Variants in CACNA2D3 observed in about 807,000 individuals in gnomAD.
The protein encoded by CACNA2D3 is voltage-dependent calcium channel subunit alpha-2/delta-3.
A neutral mutation model predicts 160.6 loss-of-function variants in CACNA2D3; 60 were observed. The ratio of observed to expected loss-of-function variants is 0.37; its 90% CI spans 0.30 to 0.46. CACNA2D3 has a LOEUF of 0.46. Ranked by LOEUF, CACNA2D3 falls within the 20% of genes least tolerant of loss-of-function variation. CACNA2D3 has a pLI of 1.00. For missense variants in CACNA2D3, 1,205 were observed against 1,365.0 expected, an observed-to-expected ratio of 0.88 and a Z score of 1.85; for synonymous variants, 558 against 492.9, an observed-to-expected ratio of 1.13 and a Z score of -1.75.
intron 5 of CACNA2D3, among the ~76,000 whole-genome samples, chr3:54,522,792 G>A (rs1331061500): frequency 6.6e-6 from 1 of 152,134 alleles, no homozygotes; most frequent in Non-Finnish European, 1.5e-5. Context: ...CCATTCATGA[G>A]GGCAGAGACC....
In CACNA2D3 at chr3:54,133,159, C is replaced by T. The variant is rs41508048; in HGVS notation, c.204+9565C>T. ...ACAACTCAGCTCTACAAGGGGTTTT[C>T]GGCAGTAATAATAATAATGATGCAG... On this transcript the variant is annotated intron_variant, in intron 2 of 37. Transcript: ENST00000474759. Among the ~76,000 whole-genome samples, 1,388 of 152,106 alleles carry T rather than the reference C, an allele frequency of 9.1e-3. 16 individuals are homozygous for T. The highest frequency in any genetic ancestry group is 0.032 in the African/African-American group (1,340 of 41,478).
intron 2 of CACNA2D3, among the ~76,000 whole-genome samples, chr3:54,139,287 G>C (rs1699874895): frequency 6.6e-6 from 1 of 152,240 alleles, no homozygotes; most frequent in Admixed American, 6.5e-5. Context: ...GTCTGCATCA[G>C]GTGTCTCTGT....
chr3:54,388,299 G>C (rs1377778935), intron 4 of CACNA2D3, among the ~76,000 whole-genome samples: 1 of 152,184 alleles, frequency 6.6e-6, no homozygotes, highest in Non-Finnish European at 1.5e-5. Context: ...TGATACCCAA[G>C]TACTCTCTTG....
intron 25 of CACNA2D3, among the ~76,000 whole-genome samples, chr3:54,891,773 A>G (rs908289960): frequency 5.9e-5 from 9 of 152,134 alleles, no homozygotes; most frequent in African/African-American, 1.9e-4. Context: ...GGGAGGAAAC[A>G]CTCATCTCGT....
At chr3:54,932,411 C>T (rs943571930) in intron 27 of CACNA2D3, among the ~76,000 whole-genome samples, 4 of 152,058 alleles carry the variant, frequency 2.6e-5, no homozygotes, top group African/African-American at 7.2e-5. Flanking sequence ...ACTGATAATG[C>T]TGATTACTTG....
chr3:54,335,085 T>C (rs953259106), intron 3 of CACNA2D3, among the ~76,000 whole-genome samples: 1 of 152,244 alleles, frequency 6.6e-6, no homozygotes, highest in Non-Finnish European at 1.5e-5. Flanking sequence ...TAGTTACTAT[T>C]ATTCTTGGTC....
At chr3:54,662,462 G>A (rs141244553) in intron 11 of CACNA2D3, among the ~76,000 whole-genome samples, 1 of 152,308 alleles carries the variant, frequency 6.6e-6, no homozygotes, top group East Asian at 1.9e-4. Context: ...GGCACCAAGT[G>A]CCTGACTTTG....
At chr3:54,894,909 C>A (rs1700154118) in intron 25 of CACNA2D3, among the ~76,000 whole-genome samples, 2 of 151,450 alleles carry the variant, frequency 1.3e-5, no homozygotes, top group South Asian at 2.1e-4. Flanking sequence ...TTCTAGATAG[C>A]ACAGGGGATC....
chr3:54,320,102 G>A (rs1157467663), intron 2 of CACNA2D3, among the ~76,000 whole-genome samples: 6 of 152,230 alleles, frequency 3.9e-5, no homozygotes, highest in Non-Finnish European at 8.8e-5. Context: ...ACCAGGGTAT[G>A]TGATGGCTTT....
Position 55,074,523 on chromosome 3 carries a change from G to T in CACNA2D3, c.*317G>T. 4.1e-6 allele frequency: 1 copy of T among 245,650 alleles called. No homozygotes were observed. Among genetic ancestry groups the T allele is most frequent in the South Asian group, 9.0e-5 (1 of 11,086 alleles). The allele number at this position is 245,650 out of a possible 1,614,324, so 15.2% of individuals were successfully genotyped here. On this transcript the variant is annotated 3_prime_UTR_variant, in exon 38 of 38. Coordinates refer to ENST00000474759, the MANE Select transcript of CACNA2D3 (RefSeq NM_018398.3). ...AACCTATTGAAACCAATTTAAAACT[G>T]TGTACTTTTTAAATAAAGTATATTA...
intron 2 of CACNA2D3, among the ~76,000 whole-genome samples, chr3:54,160,519 AAAAT>A (rs1700326123): frequency 2.0e-5 from 3 of 152,160 alleles, no homozygotes; most frequent in Admixed American, 1.3e-4. Flanking sequence ...AAAATAAAAT[AAAAT>A]AAAGGAATTG....
intron 4 of CACNA2D3, among the ~76,000 whole-genome samples, chr3:54,485,850 G>A (rs934181891): frequency 2.6e-5 from 4 of 152,084 alleles, no homozygotes; most frequent in African/African-American, 7.2e-5. Context: ...AGGTCTGAGT[G>A]CCCGGCCAAT....
chr3:54,333,319 C>T (rs375210488), intron 3 of CACNA2D3, among the ~76,000 whole-genome samples: 6 of 152,144 alleles, frequency 3.9e-5, no homozygotes, highest in Admixed American at 2.0e-4. Flanking sequence ...TGGAAGAGTT[C>T]GGGTGTCATT....
intron 2 of CACNA2D3, among the ~76,000 whole-genome samples, chr3:54,206,924 T>G (rs897502939): frequency 6.6e-6 from 1 of 152,242 alleles, no homozygotes; most frequent in African/African-American, 2.4e-5. Flanking sequence ...AGGAGTGACT[T>G]GGGGACCTGG....
At chr3:54,365,681 T>C (rs1037673227) in intron 3 of CACNA2D3, among the ~76,000 whole-genome samples, 8 of 152,058 alleles carry the variant, frequency 5.3e-5, no homozygotes, top group African/African-American at 1.4e-4. Flanking sequence ...CTGACCAAAA[T>C]GGAGAAACCC....
At chr3:54,262,877 C>A (rs1246899685) in intron 2 of CACNA2D3, among the ~76,000 whole-genome samples, 1 of 151,978 alleles carries the variant, frequency 6.6e-6, no homozygotes, top group Non-Finnish European at 1.5e-5. Context: ...TTTGGTATAC[C>A]TTTTACAAGT....
At chr3:54,825,074 G>A (rs1703723645) in intron 14 of CACNA2D3, among the ~76,000 whole-genome samples, 1 of 152,030 alleles carries the variant, frequency 6.6e-6, no homozygotes, top group South Asian at 2.1e-4. Flanking sequence ...TTTAAATCAA[G>A]CACAGTTATA....
chr3:54,227,270 A>G (rs4324493), intron 2 of CACNA2D3, among the ~76,000 whole-genome samples: 57,143 of 151,860 alleles, frequency 0.38, 11,217 homozygotes, highest in East Asian at 0.58. Flanking sequence ...AGAAATGTCC[A>G]GCACCGGGAT....
At chr3:54,790,301 C>G (rs971550815) in intron 13 of CACNA2D3, among the ~76,000 whole-genome samples, 24 of 152,148 alleles carry the variant, frequency 1.6e-4, no homozygotes, top group Admixed American at 1.5e-3. Flanking sequence ...CTGCCTTCTC[C>G]CCTCTCATCT....
Sources: gnomAD v4.1 joint callset for allele counts (sites outside exome capture counted in the v4.1 genomes callset) on GRCh38, gnomAD v4.1.1 for gene constraint, MANE v1.5 for transcripts, NCBI Gene and HGNC (gene_info 2026-07-23, HGNC 2026-07-21) for gene names.